Variants in RUNDC3B observed in about 807,000 individuals in gnomAD.
RUNDC3B encodes the protein RUN domain-containing protein 3B.
RUNDC3B carries 33 observed loss-of-function variants against 58.4 expected under a neutral mutation model. The observed-to-expected ratio is 0.56, with a 90% CI of 0.43 to 0.75. The LOEUF is 0.75. Among genes scored for constraint, RUNDC3B ranks in the 30% least tolerant of loss-of-function variants. The pLI is 0.00. For missense variants in RUNDC3B, 501 were observed against 535.7 expected, an observed-to-expected ratio of 0.94 and a Z score of 0.64; for synonymous variants, 193 against 195.2, an observed-to-expected ratio of 0.99 and a Z score of 0.10.
chr7:87,751,243 C>G lies in RUNDC3B; in HGVS notation c.629+9664C>G, dbSNP rs912768641. ...TGTTCTGTTCCATTGATCTATATCT[C>G]TGTTTTGGTACCAGTACCATGCTGT... On this transcript the variant is annotated intron_variant, in intron 6 of 10. Transcript: ENST00000394654. 5.3e-5 allele frequency among the ~76,000 whole-genome samples: 8 copies of G among 152,058 alleles called. No individual in the cohort carries two copies. In the South Asian group the frequency reaches 8.3e-4, roughly 16 times the overall value.
chr7:87,806,676 T>C (rs141877047), intron 8 of RUNDC3B, among the ~76,000 whole-genome samples: 117 of 152,286 alleles, frequency 7.7e-4, no homozygotes, highest in African/African-American at 2.7e-3. Context: ...AACAGTTCTA[T>C]AAAAATTAAA....
intron 4 of RUNDC3B, among the ~76,000 whole-genome samples, chr7:87,718,691 T>G (rs1830699256): frequency 6.6e-6 from 1 of 152,200 alleles, no homozygotes; most frequent in African/African-American, 2.4e-5. Flanking sequence ...AGTACAAAAT[T>G]GTTAATTGAT....
intron 2 of RUNDC3B, among the ~76,000 whole-genome samples, chr7:87,657,692 A>C (rs929607920): frequency 6.6e-5 from 10 of 152,238 alleles, no homozygotes; most frequent in African/African-American, 1.9e-4. Flanking sequence ...TGGGGTCAGA[A>C]GAGGCCTGTT....
At chr7:87,813,929 G>C (rs1437710392) in intron 9 of RUNDC3B, among the ~76,000 whole-genome samples, 1 of 151,464 alleles carries the variant, frequency 6.6e-6, no homozygotes, top group African/African-American at 2.4e-5. Flanking sequence ...TGCAGTGAGC[G>C]GAGATCGCGC....
chr7:87,773,795 A>C (rs1240459999), intron 7 of RUNDC3B, among the ~76,000 whole-genome samples: 1 of 152,062 alleles, frequency 6.6e-6, no homozygotes, highest in Non-Finnish European at 1.5e-5. Context: ...CTCCTGCCTC[A>C]GCCTTCCGAG....
intron 3 of RUNDC3B, among the ~76,000 whole-genome samples, chr7:87,707,639 A>T (rs560338218): frequency 2.6e-5 from 4 of 152,116 alleles, no homozygotes; most frequent in Non-Finnish European, 5.9e-5. Context: ...GCACCACTGC[A>T]CTCCAGCCTG....
intron 4 of RUNDC3B, among the ~76,000 whole-genome samples, chr7:87,734,717 A>C (rs1831817647): frequency 6.6e-6 from 1 of 152,156 alleles, no homozygotes; most frequent in East Asian, 1.9e-4. Flanking sequence ...CACTCCACCA[A>C]GAATTTTTAA....
At chr7:87,763,274 T>A (rs547641738) in intron 6 of RUNDC3B, among the ~76,000 whole-genome samples, 4 of 151,826 alleles carry the variant, frequency 2.6e-5, no homozygotes, top group South Asian at 2.1e-4. Flanking sequence ...TTGATTTATT[T>A]AAAAATTTCT....
At chr7:87,646,137 T>A (rs1193205480) in intron 1 of RUNDC3B, among the ~76,000 whole-genome samples, 1 of 152,168 alleles carries the variant, frequency 6.6e-6, no homozygotes, top group African/African-American at 2.4e-5. Context: ...ATATTTGACA[T>A]TTTATGTTTT....
intron 8 of RUNDC3B, among the ~76,000 whole-genome samples, chr7:87,789,572 T>C (rs74994966): frequency 1.3e-5 from 2 of 152,146 alleles, no homozygotes; most frequent in Admixed American, 6.5e-5. Flanking sequence ...TGTATACATT[T>C]TGGCAGGTAA....
intron 6 of RUNDC3B, among the ~76,000 whole-genome samples, chr7:87,742,825 G>A (rs374921351): frequency 1.4e-4 from 21 of 151,954 alleles, no homozygotes; most frequent in South Asian, 4.1e-4. Context: ...AAAATTTAGC[G>A]AACTAAGGCC....
intron 2 of RUNDC3B, among the ~76,000 whole-genome samples, chr7:87,655,635 A>T: frequency 6.6e-6 from 1 of 152,154 alleles, no homozygotes; most frequent in East Asian, 1.9e-4. Flanking sequence ...AGTTCAAGAG[A>T]TCTATTGTAC....
chr7:87,714,274 G>A (rs1392863302), intron 4 of RUNDC3B, among the ~76,000 whole-genome samples: 1 of 152,132 alleles, frequency 6.6e-6, no homozygotes. Flanking sequence ...TGGGTCCAGG[G>A]GGGTCACTAC....
intron 7 of RUNDC3B, among the ~76,000 whole-genome samples, chr7:87,772,331 C>A (rs142776561): frequency 6.6e-6 from 1 of 151,438 alleles, no homozygotes; most frequent in Non-Finnish European, 1.5e-5. Context: ...AGTATGAAAG[C>A]AGAGCAGAAC....
rs533024731 is a variant in RUNDC3B at position 87,644,118 on chromosome 7, C to G, written c.123-6704C>G. Among the ~76,000 whole-genome samples the G allele has an allele frequency of 2.0e-5, 3 of 152,340 alleles. No homozygotes were observed. In the East Asian group the frequency reaches 5.8e-4, roughly 29 times the overall value. ...AGGTGATCCACCCGCCTTGGCCTCCCAAAGTGTTGGGATTACAGGCGTGAG... is the reference window on the plus strand; with the variant it reads ...AGGTGATCCACCCGCCTTGGCCTCCGAAAGTGTTGGGATTACAGGCGTGAG... On this transcript the variant is annotated intron_variant, in intron 1 of 10. Coordinates refer to ENST00000394654, the MANE Select transcript of RUNDC3B (RefSeq NM_001134405.2).
chr7:87,652,069 G>A (rs1364176812), intron 2 of RUNDC3B, among the ~76,000 whole-genome samples: 1 of 151,932 alleles, frequency 6.6e-6, no homozygotes, highest in Non-Finnish European at 1.5e-5. Flanking sequence ...GATATTATTA[G>A]ATACTATATT....
chr7:87,820,454 G>T (rs1837354484), intron 10 of RUNDC3B, among the ~76,000 whole-genome samples: 1 of 152,168 alleles, frequency 6.6e-6, no homozygotes, highest in African/African-American at 2.4e-5. Flanking sequence ...AATTCTACCA[G>T]AGGTACAAGG....
chr7:87,757,864 A>C (rs1833458594), intron 6 of RUNDC3B, among the ~76,000 whole-genome samples: 1 of 152,168 alleles, frequency 6.6e-6, no homozygotes, highest in South Asian at 2.1e-4. Context: ...CATCTATAGT[A>C]AACTCATTTT....
chr7:87,727,770 G>T (rs1277397691), intron 4 of RUNDC3B, among the ~76,000 whole-genome samples: 1 of 152,082 alleles, frequency 6.6e-6, no homozygotes, highest in African/African-American at 2.4e-5. Flanking sequence ...ATCCTTAAAA[G>T]AATATGACAC....
Sources: gnomAD v4.1 joint callset for allele counts (sites outside exome capture counted in the v4.1 genomes callset) on GRCh38, gnomAD v4.1.1 for gene constraint, MANE v1.5 for transcripts, NCBI Gene and HGNC (gene_info 2026-07-23, HGNC 2026-07-21) for gene names.